Variants in GFPT1 observed in about 807,000 individuals in gnomAD.
GFPT1 encodes the protein glutamine--fructose-6-phosphate aminotransferase [isomerizing] 1.
In GFPT1, 40 loss-of-function variants were observed where a neutral mutation model predicts 92.0. That is an observed-to-expected ratio of 0.43 (90% CI 0.34 to 0.57). The LOEUF is 0.57. Among genes scored for constraint, GFPT1 ranks in the 20% least tolerant of loss-of-function variants. GFPT1 has a pLI of 0.02. For missense variants in GFPT1, 448 were observed against 869.1 expected (o/e 0.52, Z 6.09); for synonymous variants, 269 against 280.6 (o/e 0.96, Z 0.41).
chr2:69,373,699 A>C (rs942637080), intron 2 of GFPT1, among the ~76,000 whole-genome samples: 3 of 152,190 alleles, frequency 2.0e-5, no homozygotes, highest in African/African-American at 7.2e-5. Context: ...ATAAAAATTA[A>C]AGTTATAGGA....
intron 12 of GFPT1, among the ~76,000 whole-genome samples, chr2:69,342,904 G>A (rs1036609066): frequency 7.9e-5 from 12 of 152,078 alleles, no homozygotes; most frequent in Admixed American, 3.3e-4. Context: ...TTCCCCTAAT[G>A]CTTCAGTCAA....
intron 1 of GFPT1, among the ~76,000 whole-genome samples, chr2:69,384,703 AAAAAAAAAAG>A (rs1672088837): frequency 7.2e-6 from 1 of 139,106 alleles, no homozygotes; most frequent in Non-Finnish European, 1.5e-5. Flanking sequence ...CAAAAAAAAA[AAAAAAAAAAG>A]AAAAAAGAAA....
intron 10 of GFPT1, among the ~76,000 whole-genome samples, chr2:69,349,726 T>C (rs1341854100): frequency 6.6e-6 from 1 of 152,204 alleles, no homozygotes; most frequent in Admixed American, 6.5e-5. Flanking sequence ...AACTATGCTA[T>C]AACTATTGGG....
intron 3 of GFPT1, among the ~76,000 whole-genome samples, chr2:69,364,146 T>C (rs1205725207): frequency 6.6e-6 from 1 of 151,758 alleles, no homozygotes; most frequent in Non-Finnish European, 1.5e-5. Context: ...AGGAACACAT[T>C]GTACGTCTGT....
At chr2:69,346,090 G>T in intron 11 of GFPT1, 91 bp from the exon 12 acceptor site, 2 of 774,274 alleles carry the variant, frequency 2.6e-6, no homozygotes, top group Non-Finnish European at 4.6e-6. Flanking sequence ...TATAATCTTG[G>T]TAAATAAAAT....
chr2:69,382,645 T>C (rs1452277813), intron 1 of GFPT1, among the ~76,000 whole-genome samples: 2 of 152,360 alleles, frequency 1.3e-5, no homozygotes, highest in South Asian at 2.1e-4. Flanking sequence ...CCACTGTTCC[T>C]TGGTCTGTTT....
chr2:69,337,373 A>AT (rs1209950636), intron 15 of GFPT1, among the ~76,000 whole-genome samples: 1 of 152,070 alleles, frequency 6.6e-6, no homozygotes, highest in African/African-American at 2.4e-5. Context: ...CAGTTGCCAA[A>AT]TTTTATACCA....
chr2:69,332,884 C>T (rs1460733804), intron 15 of GFPT1, among the ~76,000 whole-genome samples: 1 of 141,728 alleles, frequency 7.1e-6, no homozygotes, highest in African/African-American at 2.6e-5. Flanking sequence ...GTGGATGAGA[C>T]TCCCTCTATA....
rs7596544 is a variant in GFPT1, at chr2:69,341,581, C to T, written c.1203+571G>A. 4.4e-3 allele frequency among the ~76,000 whole-genome samples: 677 copies of T among 152,214 alleles called. 3 individuals carry two copies. Among genetic ancestry groups the T allele is most frequent in the Non-Finnish European group, 7.5e-3 (509 of 68,010 alleles). ...AAACTGTCTCTTTCTAAGGAAACTA[C>T]GTGGGCAAATATTGGTCTTTTATTG... On this transcript the variant is annotated intron_variant, in intron 13 of 19. Transcript: ENST00000357308.
intron 13 of GFPT1, among the ~76,000 whole-genome samples, chr2:69,339,014 G>C (rs1377657952): frequency 1.3e-5 from 2 of 152,112 alleles, no homozygotes; most frequent in Non-Finnish European, 2.9e-5. Context: ...TCAATCTCCT[G>C]ACCTCATGAT....
At chr2:69,365,532 A>G (rs1671590587) in intron 3 of GFPT1, among the ~76,000 whole-genome samples, 2 of 152,238 alleles carry the variant, frequency 1.3e-5, no homozygotes, top group African/African-American at 4.8e-5. Flanking sequence ...GTACTATAAC[A>G]TTTATATGTT....
chr2:69,346,369 G>A (rs542077934), intron 11 of GFPT1, among the ~76,000 whole-genome samples: 1 of 152,176 alleles, frequency 6.6e-6, no homozygotes, highest in East Asian at 1.9e-4. Flanking sequence ...CTCCTGAGTA[G>A]CTGTGACTAC....
At chr2:69,351,933 GA>G (rs1671215759) in intron 9 of GFPT1, among the ~76,000 whole-genome samples, 1 of 152,146 alleles carries the variant, frequency 6.6e-6, no homozygotes, top group Non-Finnish European at 1.5e-5. Flanking sequence ...CAAAATTGGT[GA>G]AACTACATGA....
At chr2:69,348,482 C>T in intron 10 of GFPT1, 148 bp from the exon 11 acceptor site, 1 of 722,402 alleles carries the variant, frequency 1.4e-6, no homozygotes, top group South Asian at 1.5e-5. Context: ...TAATGCCAAC[C>T]CCTACAGGAA....
At chr2:69,344,355 T>C (rs1462759084) in intron 12 of GFPT1, among the ~76,000 whole-genome samples, 1 of 152,178 alleles carries the variant, frequency 6.6e-6, no homozygotes, top group Non-Finnish European at 1.5e-5. Flanking sequence ...GGGATAGTTC[T>C]GAAAGAAGCT....
intron 15 of GFPT1, among the ~76,000 whole-genome samples, chr2:69,334,023 G>A (rs1443561889): frequency 6.6e-6 from 1 of 152,164 alleles, no homozygotes; most frequent in African/African-American, 2.4e-5. Context: ...AGGCGTGGTG[G>A]CAGTTACCTG....
At chr2:69,369,139 G>C (rs1192725281) in intron 3 of GFPT1, among the ~76,000 whole-genome samples, 2 of 151,972 alleles carry the variant, frequency 1.3e-5, no homozygotes, top group African/African-American at 4.8e-5. Flanking sequence ...TAGTTATTTG[G>C]GTGTCTGCTT....
chr2:69,350,151 G>A lies in GFPT1; in HGVS notation c.772C>T (p.Arg258Cys), dbSNP rs1671171246. 2.5e-6 allele frequency: 4 copies of A among 1,613,448 alleles called. No homozygotes were observed. Among genetic ancestry groups the A allele is most frequent in the Non-Finnish European group, 2.5e-6 (3 of 1,179,622 alleles). Reference protein sequence around the residue: ...KDKKGSCNLSRVDSTTCLFPV... With the variant: ...KDKKGSCNLSCVDSTTCLFPV... ...AAAAGGCAGGTTGTGCTGTCCACAC[G>A]AGAGAGATTGCAGCTTCCTTTCTTG... The change falls in exon 10 of 20, where the codon CGT becomes TGT. Residue 258 changes from arginine (R) to cysteine (C), a missense_variant. Arg to Cys is a radical substitution (Grantham distance 180). Around this residue, in one of 7 missense-constraint regions of GFPT1, gnomAD observed 118 missense variants for 192.9 expected, o/e 0.61. Coordinates refer to ENST00000357308, the MANE Select transcript of GFPT1 (RefSeq NM_001244710.2).
chr2:69,361,468 A>AC (rs1671470810), intron 4 of GFPT1, among the ~76,000 whole-genome samples: 1 of 146,208 alleles, frequency 6.8e-6, no homozygotes, highest in Non-Finnish European at 1.5e-5. Flanking sequence ...AAAAAAAAAA[A>AC]CTTCATGCTA....
Sources: gnomAD v4.1 joint callset for allele counts (sites outside exome capture counted in the v4.1 genomes callset) on GRCh38, gnomAD v4.1.1 for gene constraint, gnomAD v4.1.1 regional missense constraint, MANE v1.5 for transcripts, NCBI Gene and HGNC (gene_info 2026-07-23, HGNC 2026-07-21) for gene names.